Variants in TMC5 observed in about 807,000 individuals in gnomAD.
TMC5 encodes the protein transmembrane channel like 5.
In TMC5, 86 loss-of-function variants were observed where a neutral mutation model predicts 110.5. The ratio of observed to expected loss-of-function variants is 0.78; its 90% CI spans 0.65 to 0.93. The LOEUF (loss-of-function observed/expected upper bound fraction) is 0.93, where lower values mean the gene tolerates loss of function less well. Ranked by LOEUF, TMC5 falls within the 40% of genes least tolerant of loss-of-function variation. TMC5 has a pLI of 0.00. For synonymous variants in TMC5, 455 were observed against 439.5 expected, an observed-to-expected ratio of 1.04 and a Z score of -0.44; for missense variants, 1,144 against 1,222.8, an observed-to-expected ratio of 0.94 and a Z score of 0.96.
chr16:19,497,057 G>C (rs1344010876), intron 20 of TMC5, 64 bp from the exon 21 acceptor site: 4 of 1,570,972 alleles, frequency 2.5e-6, no homozygotes, highest in Non-Finnish European at 3.5e-6. Flanking sequence ...TGCCAAATAT[G>C]TGACAAGACC....
chr16:19,494,482 T>G, intron 20 of TMC5, 116 bp downstream of exon 20: 2 of 676,260 alleles, frequency 3.0e-6, no homozygotes. Flanking sequence ...CTTCACTCTC[T>G]GTCTTAAGTA....
intron 2 of TMC5, among the ~76,000 whole-genome samples, chr16:19,434,501 G>GATAGATAGATAGATATAT (rs1160899052): frequency 2.1e-5 from 2 of 93,328 alleles, no homozygotes; most frequent in African/African-American, 6.4e-5. Context: ...GATATAGAGA[G>GATAGATAGATAGATATAT]AGAGAGAGAT....
rs1397146555 is a variant in TMC5, at chr16:19,463,290, G to C, written c.1159G>C (p.Asp387His). 3 of 1,613,400 alleles carry C rather than the reference G, an allele frequency of 1.9e-6. No homozygotes were observed. The highest frequency in any genetic ancestry group is 2.7e-5 in the African/African-American group (2 of 74,866). ...TGCTGTTCCCTACAGGAAAATAGTT[G>C]ACAAAGAAAAAAGCAAACAGACCCA... ...EEKRNLRKIV[D>H]KEKSKQTHRI... The change falls in exon 7 of 22, where the codon GAC (aspartate) becomes CAC (histidine). Residue 387 changes from aspartate to histidine, a missense_variant. Coordinates refer to ENST00000542583, the MANE Select transcript of TMC5 (RefSeq NM_001261841.2).
chr16:19,413,430 A>G (rs975992991), upstream of TMC5, among the ~76,000 whole-genome samples: 1 of 148,932 alleles, frequency 6.7e-6, no homozygotes, highest in Non-Finnish European at 1.5e-5. Flanking sequence ...AGGCTGAGGC[A>G]CAAGAATTGC....
intron 2 of TMC5, among the ~76,000 whole-genome samples, chr16:19,439,734 T>TAACA (rs996059111): frequency 6.6e-6 from 1 of 152,150 alleles, no homozygotes; most frequent in African/African-American, 2.4e-5. Context: ...CTCTTTCCTC[T>TAACA]AACAGCACAG....
At chr16:19,465,067 T>C (rs1968144517) in intron 8 of TMC5, among the ~76,000 whole-genome samples, 1 of 51,238 alleles carries the variant, frequency 2.0e-5, no homozygotes, top group Non-Finnish European at 4.1e-5. Context: ...TTTCCTTCCT[T>C]CCTTCCTTCC....
rs1968365974 is a variant in TMC5, at chr16:19,472,363, A to G, written c.1938+120A>G. ...ATCTATGGCCAGCAGCATCAGCACTAGCAGAGAACTTGTTAAAAATGCAGG... is the reference window on the plus strand; with the variant it reads ...ATCTATGGCCAGCAGCATCAGCACTGGCAGAGAACTTGTTAAAAATGCAGG... On this transcript the variant is annotated intron_variant, in intron 11 of 21. Transcript: ENST00000542583. 1.8e-5 allele frequency: 21 copies of G among 1,137,780 alleles called. No homozygotes were observed. The South Asian group carries it at 2.0e-4, about 11-fold the overall frequency. The allele number at this position is 1,137,780 out of a possible 1,614,324, so 70.5% of individuals were successfully genotyped here. A position where few individuals can be genotyped will look rare whatever the true frequency, so the allele number is the denominator to read the frequency against.
intron 6 of TMC5, among the ~76,000 whole-genome samples, 156 bp downstream of exon 6, chr16:19,460,490 T>C (rs1433774870): frequency 1.3e-5 from 2 of 152,206 alleles, no homozygotes; most frequent in Admixed American, 1.3e-4. Context: ...AGGTACTCCT[T>C]TCTCCAGGGG....
At chr16:19,444,383 ACAT>A in intron 4 of TMC5, 133 bp downstream of exon 4, 1 of 740,878 alleles carries the variant, frequency 1.3e-6, no homozygotes, top group Non-Finnish European at 2.1e-6. Flanking sequence ...CCTTGTTTTT[ACAT>A]ACAAAAGTTG....
intron 1 of TMC5, among the ~76,000 whole-genome samples, chr16:19,420,036 A>G (rs1047819331): frequency 6.6e-6 from 1 of 152,052 alleles, no homozygotes; most frequent in Non-Finnish European, 1.5e-5. Context: ...ATCATAGCTC[A>G]TTGCAGCCTT....
At chr16:19,469,650 C>T in intron 9 of TMC5, 31 bp from the exon 10 acceptor site, 1 of 1,612,956 alleles carries the variant, frequency 6.2e-7, no homozygotes, top group Non-Finnish European at 8.5e-7. Context: ...CCATAATAAC[C>T]TTCAGGTGTT....
At chr16:19,492,358 GT>G (rs1567328758) in intron 19 of TMC5, 130 bp downstream of exon 19, 1 of 485,692 alleles carries the variant, frequency 2.1e-6, no homozygotes, top group Non-Finnish European at 3.6e-6. Flanking sequence ...AACCATCAAT[GT>G]TTTTATATTC....
At chr16:19,432,816 TTCTA>T (rs541424208) in intron 2 of TMC5, among the ~76,000 whole-genome samples, 2 of 152,302 alleles carry the variant, frequency 1.3e-5, no homozygotes, top group South Asian at 4.1e-4. Context: ...ACATCCATCT[TTCTA>T]TCTATCTATC....
At chr16:19,457,653 T>G (rs1967913197) in intron 5 of TMC5, among the ~76,000 whole-genome samples, 1 of 147,350 alleles carries the variant, frequency 6.8e-6, no homozygotes, top group Non-Finnish European at 1.5e-5. Context: ...ATAAATTTAG[T>G]GACCTGGAAG....
intron 2 of TMC5, among the ~76,000 whole-genome samples, chr16:19,436,973 T>A (rs1164094407): frequency 1.3e-5 from 2 of 152,042 alleles, no homozygotes; most frequent in African/African-American, 4.8e-5. Context: ...CTCAGGAGTT[T>A]GAAACCAGCC....
rs1467305879 is a variant in TMC5, at chr16:19,487,187, C to T, written c.2440-6C>T. On this transcript the variant is annotated splice_region_variant and splice_polypyrimidine_tract_variant and intron_variant, in intron 16 of 21. Coordinates refer to ENST00000542583, the MANE Select transcript of TMC5 (RefSeq NM_001261841.2). ...AGATGGGAGGTGGCTGCCTCTCTCT[C>T]TTCAGATCAGCCTGATGATGAATTT... 6.2e-7 allele frequency: 1 copy of T among 1,610,970 alleles called. No individual in the cohort carries two copies. Among genetic ancestry groups the T allele is most frequent in the Non-Finnish European group, 8.5e-7 (1 of 1,178,582 alleles).
intron 1 of TMC5, among the ~76,000 whole-genome samples, chr16:19,427,588 T>C (rs1967111136): frequency 2.6e-5 from 4 of 152,190 alleles, no homozygotes; most frequent in Admixed American, 2.6e-4. Flanking sequence ...TCCATCGGCA[T>C]AGAAAGTTCT....
At chr16:19,469,593 T>G in intron 9 of TMC5, 88 bp from the exon 10 acceptor site, 3 of 1,536,306 alleles carry the variant, frequency 2.0e-6, no homozygotes, top group Non-Finnish European at 2.7e-6. Flanking sequence ...CTTTCACCAT[T>G]AATAATAGGG....
At chr16:19,470,918 C>T (rs1237595031) in intron 10 of TMC5, among the ~76,000 whole-genome samples, 6 of 151,766 alleles carry the variant, frequency 4.0e-5, no homozygotes, top group African/African-American at 1.5e-4. Flanking sequence ...CACCTGTAAT[C>T]CCAGCTACTC....
Sources: allele counts gnomAD v4.1 joint callset (sites outside exome capture counted in the v4.1 genomes callset), GRCh38; gene constraint gnomAD v4.1.1; transcripts MANE v1.5; gene names NCBI Gene and HGNC (gene_info 2026-07-23, HGNC 2026-07-21).